The following NDUFB7 variants were observed in gnomAD, a reference collection of about 807,000 sequenced individuals.
NDUFB7 encodes NADH:ubiquinone oxidoreductase subunit B7.
A neutral mutation model predicts 14.7 loss-of-function variants in NDUFB7; 18 were observed. The ratio of observed to expected loss-of-function variants is 1.22; its 90% CI spans 0.85 to 1.81. The LOEUF (loss-of-function observed/expected upper bound fraction) is 1.81, where lower values mean the gene tolerates loss of function less well. NDUFB7 is among the 40% of genes most tolerant of loss of function. NDUFB7 has a pLI of 0.00. For synonymous variants in NDUFB7, 86 were observed against 76.1 expected (o/e 1.13, Z -0.68); for missense variants, 219 against 195.0 (o/e 1.12, Z -0.73).
At chr19:14,569,894 G>A (rs540397494) in intron 1 of NDUFB7, among the ~76,000 whole-genome samples, 1 of 152,118 alleles carries the variant, frequency 6.6e-6, no homozygotes, top group African/African-American at 2.4e-5. Flanking sequence ...TCTTTGTTTT[G>A]TTTTGTTTTG....
chr19:14,571,866 T>C, intron 1 of NDUFB7, 23 bp downstream of exon 1: 1 of 1,593,790 alleles, frequency 6.3e-7, no homozygotes, highest in South Asian at 1.1e-5. Flanking sequence ...GCCCTCTGGC[T>C]GCGCCTGCGC....
intron 2 of NDUFB7, 30 bp from the exon 3 acceptor site, chr19:14,566,295 G>C (rs374287310): frequency 2.5e-6 from 4 of 1,613,046 alleles, no homozygotes; most frequent in Non-Finnish European, 3.4e-6. Flanking sequence ...GGGGCTGTCA[G>C]GGTCCCTGGC....
In NDUFB7 at chr19:14,572,030, G is replaced by A. The variant is rs751287909; in HGVS notation, c.-30C>T. ...GCAGTCGCTGCAGATCCCTGCAGCA[G>A]CCGAGGGTCACCTAGCTCCTACCCG... On this transcript the variant is annotated 5_prime_UTR_variant, in exon 1 of 3. Coordinates refer to ENST00000215565, the MANE Select transcript of NDUFB7 (RefSeq NM_004146.6). The A allele has an allele frequency of 5.9e-6, 9 of 1,530,320 alleles. No homozygotes were observed. Among genetic ancestry groups the A allele is most frequent in the Non-Finnish European group, 1.8e-6 (2 of 1,127,282 alleles). The allele number at this position is 1,530,320 out of a possible 1,614,324, so 94.8% of individuals were successfully genotyped here.
At chr19:14,566,718 G>A in intron 2 of NDUFB7, 47 bp downstream of exon 2, 1 of 1,501,752 alleles carries the variant, frequency 6.7e-7, no homozygotes, top group Non-Finnish European at 8.9e-7. Flanking sequence ...CTGGGGGTAT[G>A]GGGTGTTGCG....
At chr19:14,568,857 C>T (rs901304111) in intron 1 of NDUFB7, among the ~76,000 whole-genome samples, 1 of 152,016 alleles carries the variant, frequency 6.6e-6, no homozygotes, top group African/African-American at 2.4e-5. Context: ...AGCAACAGAG[C>T]GAGAGCCCAT....
At chr19:14,569,788 C>G (rs1444945045) in intron 1 of NDUFB7, among the ~76,000 whole-genome samples, 1 of 152,176 alleles carries the variant, frequency 6.6e-6, no homozygotes, top group Admixed American at 6.5e-5. Context: ...GACAGTGTGA[C>G]CTTTTGACCA....
At position 14,566,855 on chromosome 19, in the gene NDUFB7, A is replaced by T; in HGVS notation, c.191T>A (p.Ile64Asn). 1 of 1,569,428 alleles carries T rather than the reference A, an allele frequency of 6.4e-7. No individual in the cohort carries two copies. Among genetic ancestry groups the T allele is most frequent in the Non-Finnish European group, 8.6e-7 (1 of 1,159,418 alleles). The change falls in exon 2 of 3, where the codon ATC becomes AAC. Residue 64 changes from isoleucine to asparagine, a missense_variant. By Grantham distance (149) the Ile-to-Asn change is moderately radical. Transcript: ENST00000215565. ...QLRDYCAHHL[I>N]RLLKCKRDSF... ...GTCACGCTTGCACTTGAGCAGCCGG[A>T]TGAGGTGGTGGGCGCAGTAGTCCCG...
intron 1 of NDUFB7, among the ~76,000 whole-genome samples, chr19:14,568,345 T>C (rs1032031659): frequency 1.3e-5 from 2 of 152,092 alleles, no homozygotes; most frequent in Non-Finnish European, 2.9e-5. Flanking sequence ...GTGCCCGGCC[T>C]GAGAGCCTTT....
Position 14,568,533 on chromosome 19 carries a change from G to T in NDUFB7, c.113-1600C>A, listed in dbSNP as rs112218786. Among the ~76,000 whole-genome samples the T allele has an allele frequency of 6.8e-3, 1,028 of 152,092 alleles. 12 individuals carry two copies. Among genetic ancestry groups the T allele is most frequent in the African/African-American group, 0.023 (966 of 41,536 alleles). ...TTTGTCTTGAACTTATAATCAGCTA[G>T]CAGCAAGGACTTTAGACTGCCTACT... On this transcript the variant is annotated intron_variant, in intron 1 of 2. Coordinates refer to ENST00000215565, the MANE Select transcript of NDUFB7 (RefSeq NM_004146.6).
Position 14,567,453 on chromosome 19 carries a change from C to T in NDUFB7, c.113-520G>A, listed in dbSNP as rs1243227159. On this transcript the variant is annotated intron_variant, in intron 1 of 2. Transcript: ENST00000215565. This position sits in a 1 kb window ranked among gnomAD's most constrained non-coding sequence, Gnocchi z 5.1. ...TGACCATCCGGTCATGGAAGTTACC[C>T]GAGCATCCACTGAGCTAACAGTACC... Among the ~76,000 whole-genome samples, 2 of 152,138 alleles carry T rather than the reference C, an allele frequency of 1.3e-5. No homozygotes were observed. Among genetic ancestry groups the T allele is most frequent in the Non-Finnish European group, 2.9e-5 (2 of 68,028 alleles).
chr19:14,571,670 ACTTTTGCTCCCTGG>A (rs1375841325), intron 1 of NDUFB7, among the ~76,000 whole-genome samples: 1 of 151,486 alleles, frequency 6.6e-6, no homozygotes, highest in East Asian at 1.9e-4. Flanking sequence ...TTGTCGCCTC[ACTTTTGCTCCCTGG>A]CTTTTGCTCA....
intron 2 of NDUFB7, 34 bp from the exon 3 acceptor site, chr19:14,566,299 C>T (rs1189578204): frequency 6.2e-7 from 1 of 1,612,842 alleles, no homozygotes; most frequent in South Asian, 1.1e-5. Flanking sequence ...CTGTCAGGGT[C>T]CCTGGCCAGG....
At chr19:14,568,216 T>C (rs1481421785) in intron 1 of NDUFB7, among the ~76,000 whole-genome samples, 1 of 152,200 alleles carries the variant, frequency 6.6e-6, no homozygotes, top group African/African-American at 2.4e-5. Context: ...GACTAATTTT[T>C]GTATTTTTAG....
chr19:14,566,246 C>A lies in NDUFB7; in HGVS notation c.301G>T (p.Glu101Ter), dbSNP rs980381632. 3 of 1,613,974 alleles carry A rather than the reference C, an allele frequency of 1.9e-6. No homozygotes were observed. Among genetic ancestry groups the A allele is most frequent in the Non-Finnish European group, 2.5e-6 (3 of 1,180,022 alleles). Residue 101 changes from glutamate to a stop codon, truncating the protein, a stop_gained, in exon 3 of 3, where the codon GAG (glutamate) becomes TAG (stop). Coordinates refer to ENST00000215565, the MANE Select transcript of NDUFB7 (RefSeq NM_004146.6). LOFTEE classifies it high-confidence loss of function. ...AGCAGCCTCCGCTCCCGCTCAAACT[C>A]CTTCATGCGCATCACATAGCTGGGG... Reference protein sequence around the residue: ...EHRDYVMRMKEFERERRLLQR... With the variant: ...EHRDYVMRMK
chr19:14,569,240 G>A (rs551504010), intron 1 of NDUFB7, among the ~76,000 whole-genome samples: 22 of 152,122 alleles, frequency 1.4e-4, no homozygotes, highest in Non-Finnish European at 2.4e-4. Flanking sequence ...GCACCATAAA[G>A]AGTCCACTGG....
rs145314882 is a variant in NDUFB7, at chr19:14,568,305, A to G, written c.113-1372T>C. Among the ~76,000 whole-genome samples, 199 of 152,274 alleles carry G rather than the reference A, an allele frequency of 1.3e-3. 2 individuals carry two copies. In the East Asian group the frequency reaches 0.022, roughly 17 times the overall value. The stretch of plus-strand genomic sequence containing the variant: ...GGTGATCCACCCACCTTGGCCTCCC[A>G]AAGTGCTGGGATTACAGGTGTGAGC... On this transcript the variant is annotated intron_variant, in intron 1 of 2. Coordinates refer to ENST00000215565, the MANE Select transcript of NDUFB7 (RefSeq NM_004146.6).
Position 14,567,199 on chromosome 19 carries a change from C to T in NDUFB7, c.113-266G>A, listed in dbSNP as rs1285316420. On this transcript the variant is annotated intron_variant, in intron 1 of 2. Transcript: ENST00000215565. The surrounding 1 kb of genome is among the most constrained non-coding windows in gnomAD (Gnocchi z 5.1). ...CCATCACCCTGAGGCACCTCAACAT[C>T]CCGTGCCGGATCCTTGCCTCCCCTC... Among the ~76,000 whole-genome samples, 1 of 152,096 alleles carries T rather than the reference C, an allele frequency of 6.6e-6. No individual in the cohort carries two copies. The highest frequency in any genetic ancestry group is 1.9e-4 in the East Asian group (1 of 5,180).
At chr19:14,566,352 G>A (rs575947611) in intron 2 of NDUFB7, 87 bp from the exon 3 acceptor site, 1 of 1,588,920 alleles carries the variant, frequency 6.3e-7, no homozygotes, top group Admixed American at 1.7e-5. Flanking sequence ...CCGTCCCAGA[G>A]CACTGTGGGG....
chr19:14,568,757 C>T (rs1311188994), intron 1 of NDUFB7, among the ~76,000 whole-genome samples: 1 of 152,170 alleles, frequency 6.6e-6, no homozygotes, highest in African/African-American at 2.4e-5. Flanking sequence ...GTAGTGCACA[C>T]GGAGTATCCA....
Sources: allele counts gnomAD v4.1 joint callset (sites outside exome capture counted in the v4.1 genomes callset), GRCh38; gene constraint gnomAD v4.1.1; non-coding constraint Gnocchi (gnomAD v3.1); transcripts MANE v1.5; gene names NCBI Gene and HGNC (gene_info 2026-07-23, HGNC 2026-07-21).